Variants in MGAT4C observed in about 807,000 individuals in gnomAD.
MGAT4C encodes MGAT4 family member C, also known as alpha-1,3-mannosyl-glycoprotein 4-beta-N-acetylglucosaminyltransferase C.
In MGAT4C, 19 loss-of-function variants were observed where a neutral mutation model predicts 40.1. The observed-to-expected ratio is 0.47, with a 90% CI of 0.33 to 0.70. MGAT4C has a LOEUF of 0.70. Ranked by LOEUF, MGAT4C falls within the 30% of genes least tolerant of loss-of-function variation. The probability of loss-of-function intolerance (pLI) is 0.02; values close to 1 mark genes in which losing one functional copy is unlikely to be tolerated. For missense variants in MGAT4C, 491 were observed against 563.2 expected (o/e 0.87, Z 1.30); for synonymous variants, 181 against 187.1 (o/e 0.97, Z 0.27).
chr12:86,765,180 T>A (rs989080931), intron 1 of MGAT4C, among the ~76,000 whole-genome samples: 1 of 152,212 alleles, frequency 6.6e-6, no homozygotes, highest in Admixed American at 6.5e-5. Flanking sequence ...AAGGAGCTGA[T>A]GGAGCTGAAA....
chr12:86,566,008 G>A (rs59446280), intron 2 of MGAT4C, among the ~76,000 whole-genome samples: 3,370 of 152,218 alleles, frequency 0.022, 118 homozygotes, highest in African/African-American at 0.077. Context: ...CCTCAATATG[G>A]CACCCTATCT....
intron 3 of MGAT4C, among the ~76,000 whole-genome samples, chr12:86,339,810 TTCC>T (rs1281582158): frequency 6.6e-6 from 1 of 152,142 alleles, no homozygotes; most frequent in Non-Finnish European, 1.5e-5. Flanking sequence ...AGTTTTTCTT[TTCC>T]TCAAGTACGC....
At chr12:86,150,902 A>G (rs183944856) in intron 1 of MGAT4C, among the ~76,000 whole-genome samples, 1 of 152,210 alleles carries the variant, frequency 6.6e-6, no homozygotes, top group Non-Finnish European at 1.5e-5. Context: ...ACAATGCATG[A>G]TAAGTGCTGC....
chr12:86,469,744 A>T, intron 2 of MGAT4C, among the ~76,000 whole-genome samples: 1 of 152,088 alleles, frequency 6.6e-6, no homozygotes, highest in South Asian at 2.1e-4. Context: ...TAGTACTTAG[A>T]TTCTTAACCC....
chr12:86,262,712 A>C (rs552343323), intron 4 of MGAT4C, among the ~76,000 whole-genome samples: 122 of 152,242 alleles, frequency 8.0e-4, no homozygotes, highest in African/African-American at 2.8e-3. Flanking sequence ...AAACTTTGGC[A>C]TGAAATTGGA....
rs114209221 is a variant in MGAT4C at position 86,482,262 on chromosome 12, T to C, written c.-228-46997A>G. On this transcript the variant is annotated intron_variant, in intron 2 of 7. Transcript: ENST00000548651. ...TATTTTTACACAATTTTTAATCAGC[T>C]AAATTAAAAAACTGTGTAAATATGC... Among the ~76,000 whole-genome samples, 497 of 152,166 alleles carry C rather than the reference T, an allele frequency of 3.3e-3. 2 individuals are homozygous for C. The highest frequency in any genetic ancestry group is 0.012 in the African/African-American group (480 of 41,536).
chr12:86,207,076 C>A (rs839170), intron 1 of MGAT4C, among the ~76,000 whole-genome samples: 102,485 of 151,250 alleles, frequency 0.68, 35,004 homozygotes, highest in South Asian at 0.76. Flanking sequence ...AAAGAAGAAA[C>A]CATTAAACAG....
chr12:86,092,857 CT>C (rs764773082), intron 1 of MGAT4C, among the ~76,000 whole-genome samples: 6 of 151,970 alleles, frequency 3.9e-5, no homozygotes, highest in East Asian at 3.9e-4. Flanking sequence ...CAATCACCCT[CT>C]TTTTTTTATT....
chr12:86,574,931 C>T (rs753710996), intron 2 of MGAT4C, among the ~76,000 whole-genome samples: 24 of 151,868 alleles, frequency 1.6e-4, no homozygotes, highest in Admixed American at 2.6e-4. Context: ...TGAGTATCTA[C>T]ATCTATCACT....
intron 1 of MGAT4C, among the ~76,000 whole-genome samples, chr12:86,060,397 A>G (rs1893828083): frequency 6.6e-6 from 1 of 152,206 alleles, no homozygotes. Flanking sequence ...AAATATATCT[A>G]GTTGTTTAAT....
intron 2 of MGAT4C, among the ~76,000 whole-genome samples, chr12:86,640,173 C>A (rs898573711): frequency 6.6e-6 from 1 of 151,570 alleles, no homozygotes; most frequent in Non-Finnish European, 1.5e-5. Flanking sequence ...AACAAGTTAG[C>A]ATATTAATTA....
At chr12:86,338,515 G>C (rs963065601) in intron 3 of MGAT4C, among the ~76,000 whole-genome samples, 1 of 152,162 alleles carries the variant, frequency 6.6e-6, no homozygotes, top group African/African-American at 2.4e-5. Flanking sequence ...TTTTGGGAAA[G>C]AGCTGTTATT....
chr12:86,624,569 G>T (rs1329967430), intron 2 of MGAT4C, among the ~76,000 whole-genome samples: 1 of 152,056 alleles, frequency 6.6e-6, no homozygotes, highest in Non-Finnish European at 1.5e-5. Context: ...GTGACTTTAA[G>T]AAATTAGGCC....
At chr12:86,158,963 G>C (rs988042359) in intron 1 of MGAT4C, among the ~76,000 whole-genome samples, 10 of 152,066 alleles carry the variant, frequency 6.6e-5, no homozygotes, top group African/African-American at 2.4e-4. Flanking sequence ...TCTAGGTATA[G>C]GATCATATCC....
chr12:86,233,696 G>A (rs1951418974), intron 1 of MGAT4C, among the ~76,000 whole-genome samples: 1 of 151,946 alleles, frequency 6.6e-6, no homozygotes, highest in South Asian at 2.1e-4. Context: ...TTCTAAATAG[G>A]TATGATATGA....
At chr12:85,988,817 T>C (rs1885556030) in intron 3 of MGAT4C, among the ~76,000 whole-genome samples, 2 of 152,034 alleles carry the variant, frequency 1.3e-5, no homozygotes, top group South Asian at 2.1e-4. Flanking sequence ...TGGTATCTCA[T>C]TTTAACTACT....
chr12:86,791,909 G>A (rs1242084067), intron 1 of MGAT4C, among the ~76,000 whole-genome samples: 2 of 152,212 alleles, frequency 1.3e-5, no homozygotes, highest in Non-Finnish European at 2.9e-5. Context: ...GAGCCTGTAA[G>A]CAGGAGAGAC....
intron 2 of MGAT4C, among the ~76,000 whole-genome samples, chr12:86,648,246 T>G (rs2136531118): frequency 6.6e-6 from 1 of 152,038 alleles, no homozygotes; most frequent in East Asian, 1.9e-4. Flanking sequence ...TCCAACACTG[T>G]TGTTGAGTAT....
At chr12:86,090,178 G>C (rs758348723) in intron 1 of MGAT4C, among the ~76,000 whole-genome samples, 23 of 151,396 alleles carry the variant, frequency 1.5e-4, no homozygotes, top group Admixed American at 1.3e-3. Flanking sequence ...TAGCTTCTAA[G>C]GAATTATCTG....
Sources: allele counts gnomAD v4.1 joint callset (sites outside exome capture counted in the v4.1 genomes callset), GRCh38; gene constraint gnomAD v4.1.1; transcripts MANE v1.5; gene names NCBI Gene and HGNC (gene_info 2026-07-23, HGNC 2026-07-21).